The following SPOPL variants were observed in gnomAD, a reference collection of about 807,000 sequenced individuals.
The protein encoded by SPOPL is speckle-type POZ protein-like.
In SPOPL, 23 loss-of-function variants were observed where a neutral mutation model predicts 53.8. That is an observed-to-expected ratio of 0.43 (90% CI 0.31 to 0.61). The LOEUF (loss-of-function observed/expected upper bound fraction) is 0.61. Ranked by LOEUF, SPOPL falls within the 20% of genes least tolerant of loss-of-function variation. The pLI is 0.12. For synonymous variants in SPOPL, 164 were observed against 149.7 expected (o/e 1.10, Z -0.70); for missense variants, 442 against 466.9 (o/e 0.95, Z 0.49).
intron 10 of SPOPL, among the ~76,000 whole-genome samples, chr2:138,567,697 A>G (rs1573913754): frequency 2.0e-5 from 3 of 152,128 alleles, no homozygotes; most frequent in Admixed American, 1.3e-4. Context: ...CCAGTTGGAA[A>G]GTTACTAGAG....
chr2:138,521,008 A>T (rs1377307667), intron 1 of SPOPL, among the ~76,000 whole-genome samples: 1 of 152,244 alleles, frequency 6.6e-6, no homozygotes, highest in East Asian at 1.9e-4. Context: ...CACAACTAGC[A>T]TGCCATATAA....
At chr2:138,529,534 GTT>G (rs1491205146) in intron 1 of SPOPL, among the ~76,000 whole-genome samples, 8,270 of 143,718 alleles carry the variant, frequency 0.058, 367 homozygotes, top group African/African-American at 0.12. Context: ...GTGTGTGTGT[GTT>G]TGCGTGCGCG....
Position 138,572,191 on chromosome 2 carries a change from G to A in SPOPL, c.*3111G>A, listed in dbSNP as rs1685798221. On this transcript the variant is annotated 3_prime_UTR_variant, in exon 11 of 11. Coordinates refer to ENST00000280098, the MANE Select transcript of SPOPL (RefSeq NM_001001664.3). ...CTTTGGAGGACAATTGATTAACAGA[G>A]GAAATGATAATTTTCAAAAATGTGA... 6.6e-6 allele frequency: 1 copy of A among 152,362 alleles called. No homozygotes were observed. The highest frequency in any genetic ancestry group is 1.5e-5 in the Non-Finnish European group (1 of 67,992). 9.4% of individuals were successfully genotyped at this position (152,362 alleles called of 1,614,324 possible).
At chr2:138,540,494 T>C (rs556860979) in intron 1 of SPOPL, among the ~76,000 whole-genome samples, 1 of 152,352 alleles carries the variant, frequency 6.6e-6, no homozygotes, top group Non-Finnish European at 1.5e-5. Context: ...AGGTATTTTA[T>C]TCTCTTTGAA....
At chr2:138,551,187 C>T in intron 4 of SPOPL, 133 bp downstream of exon 4, 1 of 967,308 alleles carries the variant, frequency 1.0e-6, no homozygotes, top group South Asian at 1.8e-5. Context: ...TTAATTTGAC[C>T]ATTATTTAAA....
intron 1 of SPOPL, among the ~76,000 whole-genome samples, chr2:138,537,508 C>T (rs778117790): frequency 2.6e-4 from 40 of 152,176 alleles, no homozygotes; most frequent in Non-Finnish European, 4.6e-4. Flanking sequence ...GGCGTGGCAT[C>T]GGGCTGTCTG....
chr2:138,532,540 C>T (rs1000103575), intron 1 of SPOPL, among the ~76,000 whole-genome samples: 4 of 146,686 alleles, frequency 2.7e-5, no homozygotes, highest in African/African-American at 1.0e-4. Context: ...CATTCTCCTG[C>T]ATCAGCCTCC....
At chr2:138,552,077 C>G (rs972947622) in intron 4 of SPOPL, among the ~76,000 whole-genome samples, 2 of 151,854 alleles carry the variant, frequency 1.3e-5, no homozygotes, top group Non-Finnish European at 2.9e-5. Context: ...AATAAAAAAT[C>G]GGTGGGATGG....
chr2:138,538,657 G>C (rs950295682), intron 1 of SPOPL, among the ~76,000 whole-genome samples: 1 of 151,876 alleles, frequency 6.6e-6, no homozygotes, highest in Non-Finnish European at 1.5e-5. Context: ...TCAGTGCTTA[G>C]CCAGGCCATT....
intron 10 of SPOPL, among the ~76,000 whole-genome samples, chr2:138,565,720 TAAAAG>T (rs1685645710): frequency 6.6e-6 from 1 of 151,918 alleles, no homozygotes; most frequent in African/African-American, 2.4e-5. Context: ...CAAAAGTTGA[TAAAAG>T]AAAGTGGGAA....
chr2:138,539,893 T>C (rs865898123), intron 1 of SPOPL, among the ~76,000 whole-genome samples: 2 of 152,234 alleles, frequency 1.3e-5, no homozygotes, highest in African/African-American at 2.4e-5. Context: ...GTCTAATAAG[T>C]CTTTAATCCA....
chr2:138,506,299 G>A (rs1031192638), intron 1 of SPOPL, among the ~76,000 whole-genome samples: 1 of 152,188 alleles, frequency 6.6e-6, no homozygotes, highest in African/African-American at 2.4e-5. Flanking sequence ...TGTTTTGGCA[G>A]TGTCAAATTG....
At position 138,543,765 on chromosome 2, in the gene SPOPL, C is replaced by G. The variant is rs551253824; in HGVS notation, c.-60-6392C>G. 2.6e-3 allele frequency among the ~76,000 whole-genome samples: 397 copies of G among 152,276 alleles called. 3 individuals carry two copies. The highest frequency in any genetic ancestry group is 9.3e-3 in the African/African-American group (387 of 41,556). ...AAGTCATTCTCCATCCAGCTTTGTT[C>G]TGTTGCTAGTGAGGAGCTGCGTTCC... On this transcript the variant is annotated intron_variant, in intron 1 of 10. Coordinates refer to ENST00000280098, the MANE Select transcript of SPOPL (RefSeq NM_001001664.3).
chr2:138,553,343 CTA>C (rs899651588), intron 5 of SPOPL, among the ~76,000 whole-genome samples: 1 of 152,008 alleles, frequency 6.6e-6, no homozygotes, highest in Non-Finnish European at 1.5e-5. Context: ...GTAGTTTTAT[CTA>C]TATGAATTTT....
Position 138,505,461 on chromosome 2 carries a change from GA to G in SPOPL, c.-61+3350del, listed in dbSNP as rs1319044340. On this transcript the variant is annotated intron_variant, in intron 1 of 10. Transcript: ENST00000280098. ...AAGTCTGTTTGGGGAATAAAATAAA[GA>G]AAAAAAATTATAGGCCAGGTGCCTT... Among the ~76,000 whole-genome samples, 25 of 151,384 alleles carry G rather than the reference GA, an allele frequency of 1.7e-4. 1 individual carries two copies. In the East Asian group the frequency reaches 4.7e-3, roughly 28 times the overall value.
chr2:138,507,643 A>C (rs1684242648), intron 1 of SPOPL, among the ~76,000 whole-genome samples: 1 of 152,260 alleles, frequency 6.6e-6, no homozygotes, highest in African/African-American at 2.4e-5. Context: ...CTGCAAAGGC[A>C]GAAATTGGGG....
chr2:138,519,322 G>A (rs1684507951), intron 1 of SPOPL, among the ~76,000 whole-genome samples: 1 of 151,208 alleles, frequency 6.6e-6, no homozygotes, highest in South Asian at 2.1e-4. Flanking sequence ...CATAAAGATG[G>A]AAATATAGTA....
intron 1 of SPOPL, among the ~76,000 whole-genome samples, chr2:138,542,801 T>C (rs535860939): frequency 6.6e-6 from 1 of 152,308 alleles, no homozygotes; most frequent in South Asian, 2.1e-4. Flanking sequence ...GTTATTTTGC[T>C]CTTTAGTTGA....
intron 1 of SPOPL, among the ~76,000 whole-genome samples, chr2:138,530,922 AGT>A (rs10673306): frequency 0.1 from 14,919 of 147,984 alleles, 1,107 homozygotes; most frequent in East Asian, 0.32. Context: ...CTGTAGAGTG[AGT>A]GTGTGTGTGT....
Sources: gnomAD v4.1 joint callset for allele counts (sites outside exome capture counted in the v4.1 genomes callset) on GRCh38, gnomAD v4.1.1 for gene constraint, MANE v1.5 for transcripts, NCBI Gene and HGNC (gene_info 2026-07-23, HGNC 2026-07-21) for gene names.